TMEM123: variants seen among roughly 807,000 people sequenced by gnomAD.
TMEM123 encodes porimin.
A neutral mutation model predicts 19.7 loss-of-function variants in TMEM123; 16 were observed. That is an observed-to-expected ratio of 0.81 (90% confidence interval 0.55 to 1.23). TMEM123 has a LOEUF of 1.23. Ranked by LOEUF, TMEM123 falls within the 50% of genes most tolerant of loss-of-function variation. The pLI is 0.00. For missense variants in TMEM123, 313 were observed against 257.8 expected (o/e 1.21, Z -1.47); for synonymous variants, 118 against 99.4 (o/e 1.19, Z -1.12).
chr11:102,424,503 A>T (rs1205414902), intron 2 of TMEM123, among the ~76,000 whole-genome samples: 1 of 152,158 alleles, frequency 6.6e-6, no homozygotes, highest in East Asian at 1.9e-4. Flanking sequence ...CCTGGCCAAC[A>T]TGGCAAAACC....
Position 102,398,596 on chromosome 11 carries a change from CA to C in TMEM123, c.*270del, listed in dbSNP as rs879132878. 9,587 of 345,116 alleles carry C rather than the reference CA, an allele frequency of 0.028. No homozygotes were observed. The highest frequency in any genetic ancestry group is 0.074 in the South Asian group (1,618 of 21,784). The allele number at this position is 345,116 out of a possible 1,614,324, so 21.4% of individuals were successfully genotyped here. On this transcript the variant is annotated 3_prime_UTR_variant, in exon 5 of 5. Transcript: ENST00000398136. ...ATGTGACCAATGCCCCCACCCCAGC[CA>C]AAAAAAAAAAGATAGGACTTGTTTG...
chr11:102,414,722 T>A (rs1952030686), intron 2 of TMEM123, among the ~76,000 whole-genome samples: 1 of 152,190 alleles, frequency 6.6e-6, no homozygotes, highest in Admixed American at 6.5e-5. Context: ...AATAAAGGGC[T>A]ATTACAAGCC....
chr11:102,414,894 A>G (rs1162991882), intron 2 of TMEM123, among the ~76,000 whole-genome samples: 1 of 152,224 alleles, frequency 6.6e-6, no homozygotes, highest in Non-Finnish European at 1.5e-5. Flanking sequence ...CTTAAAAGGT[A>G]CAGAATGGCA....
chr11:102,418,363 A>G (rs959030574), intron 2 of TMEM123, among the ~76,000 whole-genome samples: 2 of 152,196 alleles, frequency 1.3e-5, no homozygotes, highest in Non-Finnish European at 2.9e-5. Flanking sequence ...TTGAAAGGAT[A>G]TGAACAGACA....
intron 2 of TMEM123, among the ~76,000 whole-genome samples, chr11:102,413,133 C>T (rs984584089): frequency 6.6e-6 from 1 of 152,124 alleles, no homozygotes; most frequent in African/African-American, 2.4e-5. Flanking sequence ...TGAGAGTAAG[C>T]TTAAAAAATG....
At chr11:102,408,609 CCT>C in intron 2 of TMEM123, among the ~76,000 whole-genome samples, 1 of 152,132 alleles carries the variant, frequency 6.6e-6, no homozygotes, top group Non-Finnish European at 1.5e-5. Flanking sequence ...TCCCACAGTC[CCT>C]GAGAAGTGCT....
Position 102,438,249 on chromosome 11 carries a change from C to G in TMEM123, c.157+10563G>C, listed in dbSNP as rs187571087. ...TGTATTTTCAGTAGAGAGGGGGTTTCACCATGTTGGCCAGGTGGTCTCGCA... is the reference window on the plus strand; with the variant it reads ...TGTATTTTCAGTAGAGAGGGGGTTTGACCATGTTGGCCAGGTGGTCTCGCA... On this transcript the variant is annotated intron_variant, in intron 2 of 4. Coordinates refer to ENST00000398136, the MANE Select transcript of TMEM123 (RefSeq NM_052932.3). 8.5e-5 allele frequency among the ~76,000 whole-genome samples: 13 copies of G among 152,144 alleles called. No homozygotes were observed. In the East Asian group the frequency reaches 2.5e-3, roughly 29 times the overall value.
At chr11:102,406,803 A>G (rs537179727) in intron 2 of TMEM123, among the ~76,000 whole-genome samples, 11 of 151,654 alleles carry the variant, frequency 7.3e-5, no homozygotes, top group East Asian at 2.0e-4. Flanking sequence ...CCTGGGAGGC[A>G]GAGCTTGCAG....
intron 2 of TMEM123, among the ~76,000 whole-genome samples, chr11:102,419,191 A>C (rs1220422826): frequency 6.6e-6 from 1 of 152,194 alleles, no homozygotes; most frequent in Non-Finnish European, 1.5e-5. Flanking sequence ...CATGCATTCA[A>C]GTTTATGGCT....
chr11:102,421,810 T>C (rs1952089231), intron 2 of TMEM123, among the ~76,000 whole-genome samples: 1 of 152,182 alleles, frequency 6.6e-6, no homozygotes, highest in Non-Finnish European at 1.5e-5. Flanking sequence ...GTCACCATGC[T>C]AGATGCTTTT....
intron 2 of TMEM123, among the ~76,000 whole-genome samples, chr11:102,439,029 G>A (rs534038915): frequency 5.3e-5 from 8 of 152,206 alleles, no homozygotes; most frequent in East Asian, 3.9e-4. Flanking sequence ...AGGCCGCAGC[G>A]AGGCTGGGGG....
chr11:102,409,048 C>T (rs977045219), intron 2 of TMEM123, among the ~76,000 whole-genome samples: 5 of 152,074 alleles, frequency 3.3e-5, no homozygotes, highest in African/African-American at 1.2e-4. Flanking sequence ...ATATTATTCT[C>T]CTTTAACCTA....
intron 2 of TMEM123, among the ~76,000 whole-genome samples, chr11:102,417,938 C>G (rs1010806262): frequency 1.3e-5 from 2 of 151,970 alleles, no homozygotes; most frequent in African/African-American, 4.8e-5. Flanking sequence ...AACTGGCTAG[C>G]CATAAGCAGG....
In TMEM123 at chr11:102,433,224, G is replaced by A. The variant is rs758810433; in HGVS notation, c.157+15588C>T. Among the ~76,000 whole-genome samples, 13 of 151,954 alleles carry A rather than the reference G, an allele frequency of 8.6e-5. 1 individual carries two copies. The highest frequency in any genetic ancestry group is 1.5e-4 in the Non-Finnish European group (10 of 67,908). On this transcript the variant is annotated intron_variant, in intron 2 of 4. Transcript: ENST00000398136. Reference sequence around the variant, plus strand: ...TCTGGAAAAGCCACAGACACTCAACGCCAGCTAGTGACAGCATCTGGGAAG... The same window carrying A: ...TCTGGAAAAGCCACAGACACTCAACACCAGCTAGTGACAGCATCTGGGAAG...
At position 102,403,305 on chromosome 11, in the gene TMEM123, C is replaced by T. The variant is rs114412888; in HGVS notation, c.158-1099G>A. Among the ~76,000 whole-genome samples the T allele has an allele frequency of 6.7e-3, 1,017 of 152,294 alleles. 15 individuals carry two copies. Among genetic ancestry groups the T allele is most frequent in the African/African-American group, 0.022 (895 of 41,574 alleles). On this transcript the variant is annotated intron_variant, in intron 2 of 4. Coordinates refer to ENST00000398136, the MANE Select transcript of TMEM123 (RefSeq NM_052932.3). ...GATCACAGGCATGAGCCACCGTGCCCGGCCAATACTCCTTAAAATAAACTT... is the reference window on the plus strand; with the variant it reads ...GATCACAGGCATGAGCCACCGTGCCTGGCCAATACTCCTTAAAATAAACTT...
Position 102,438,897 on chromosome 11 carries a change from C to T in TMEM123, c.157+9915G>A, listed in dbSNP as rs59121169. ...TCGGGACACTCCCACCCTAATACTG[C>T]GCTTTTCCAATGGTCTTAGCAAATG... On this transcript the variant is annotated intron_variant, in intron 2 of 4. Coordinates refer to ENST00000398136, the MANE Select transcript of TMEM123 (RefSeq NM_052932.3). Among the ~76,000 whole-genome samples the T allele has an allele frequency of 4.6e-3, 696 of 152,308 alleles. 4 individuals carry two copies. The highest frequency in any genetic ancestry group is 0.016 in the African/African-American group (664 of 41,562).
At chr11:102,398,943 CTACT>C (rs1174335584) in intron 4 of TMEM123, 52 bp from the exon 5 acceptor site, 1 of 1,500,402 alleles carries the variant, frequency 6.7e-7, no homozygotes, top group East Asian at 2.3e-5. Flanking sequence ...TCTGTCAAAA[CTACT>C]TATGTTCCTA....
chr11:102,411,636 A>G (rs1200990989), intron 2 of TMEM123, among the ~76,000 whole-genome samples: 2 of 151,976 alleles, frequency 1.3e-5, no homozygotes, highest in East Asian at 3.9e-4. Flanking sequence ...TCAGAACTGA[A>G]TTGGATTGTA....
chr11:102,445,580 A>G (rs1295942717), intron 2 of TMEM123, among the ~76,000 whole-genome samples: 1 of 152,244 alleles, frequency 6.6e-6, no homozygotes, highest in African/African-American at 2.4e-5. Flanking sequence ...AGGATTATAT[A>G]CCTGATAAAT....
Sources: gnomAD v4.1 joint callset for allele counts (sites outside exome capture counted in the v4.1 genomes callset) on GRCh38, gnomAD v4.1.1 for gene constraint, MANE v1.5 for transcripts, NCBI Gene and HGNC (gene_info 2026-07-23, HGNC 2026-07-21) for gene names.